CCDC50: variants seen among roughly 807,000 people sequenced by gnomAD.
The protein encoded by CCDC50 is coiled-coil domain-containing protein 50.
A neutral mutation model predicts 70.2 loss-of-function variants in CCDC50; 54 were observed. The ratio of observed to expected loss-of-function variants is 0.77; its 90% CI spans 0.62 to 0.96. The LOEUF (loss-of-function observed/expected upper bound fraction) is 0.96. Ranked by LOEUF, CCDC50 falls within the 50% of genes least tolerant of loss-of-function variation. The pLI is 0.00. For synonymous variants in CCDC50, 216 were observed against 198.8 expected (o/e 1.09, Z -0.73); for missense variants, 558 against 578.7 (o/e 0.96, Z 0.37).
rs1327041765 is a variant in CCDC50 at position 191,396,680 on chromosome 3, CAG to C, written c.*4924_*4925del. 6.6e-6 allele frequency: 1 copy of C among 152,124 alleles called. No individual in the cohort carries two copies. The highest frequency in any genetic ancestry group is 2.4e-5 in the African/African-American group (1 of 41,426). The allele number at this position is 152,124 out of a possible 1,614,324, so 9.4% of individuals were successfully genotyped here. ...AAAAAAAGGAGAAAACCGAACAAAA[CAG>C]AGACATTTACTTGAAATGGGAGGTT... On this transcript the variant is annotated 3_prime_UTR_variant, in exon 12 of 12. Transcript: ENST00000392455.
intron 1 of CCDC50, among the ~76,000 whole-genome samples, chr3:191,331,278 C>T (rs1717974388): frequency 6.6e-6 from 1 of 152,102 alleles, no homozygotes; most frequent in South Asian, 2.1e-4. Context: ...TGATTTTATC[C>T]AATCCCCTAT....
intron 5 of CCDC50, among the ~76,000 whole-genome samples, chr3:191,373,958 T>C (rs939224822): frequency 1.3e-5 from 2 of 152,144 alleles, no homozygotes; most frequent in African/African-American, 2.4e-5. Context: ...AAACGTATAG[T>C]TTTTTATTTT....
chr3:191,334,911 A>G (rs972207371), intron 1 of CCDC50, among the ~76,000 whole-genome samples: 19 of 152,178 alleles, frequency 1.2e-4, no homozygotes, highest in Admixed American at 1.2e-3. Context: ...TGATTCAGCA[A>G]ATGAATTACT....
chr3:191,342,094 C>A (rs545080712), intron 1 of CCDC50, among the ~76,000 whole-genome samples: 1 of 152,226 alleles, frequency 6.6e-6, no homozygotes, highest in Admixed American at 6.5e-5. Flanking sequence ...AGTTACTGAG[C>A]CTGTGGTGGC....
At position 191,375,372 on chromosome 3, in the gene CCDC50, C is replaced by T. The variant is rs758591090; in HGVS notation, c.759C>T (p.Asp253=). 1.2e-6 allele frequency: 2 copies of T among 1,613,620 alleles called. No individual in the cohort carries two copies. Among genetic ancestry groups the T allele is most frequent in the South Asian group, 2.2e-5 (2 of 91,056 alleles). Residue 253 remains aspartate (D), a synonymous_variant, in exon 6 of 12, where the codon GAC becomes GAT. Coordinates refer to ENST00000392455, the MANE Select transcript of CCDC50 (RefSeq NM_178335.3). The part of the protein sequence containing the change: ...GEVFLSTECD[D]WETKINHQTR... ...TGTTTCTGAGCACTGAATGTGATGA[C>T]TGGGAGACTAAGATTAACCATCAGA...
chr3:191,392,480 T>C lies in CCDC50; in HGVS notation c.*720T>C, dbSNP rs1713727925. 1 of 152,212 alleles carries C rather than the reference T, an allele frequency of 6.6e-6. No individual in the cohort carries two copies. Among genetic ancestry groups the C allele is most frequent in the African/African-American group, 2.4e-5 (1 of 41,450 alleles). The allele number at this position is 152,212 out of a possible 1,614,324, so 9.4% of individuals were successfully genotyped here. On this transcript the variant is annotated 3_prime_UTR_variant, in exon 12 of 12. Transcript: ENST00000392455. ...TCTCTGAAATTTTAACTCATATATATGAAAAACTTTGTATTCCATCTCTTC... is the reference window on the plus strand; with the variant it reads ...TCTCTGAAATTTTAACTCATATATACGAAAAACTTTGTATTCCATCTCTTC...
At chr3:191,364,758 T>C (rs950519223) in intron 4 of CCDC50, among the ~76,000 whole-genome samples, 8 of 151,998 alleles carry the variant, frequency 5.3e-5, no homozygotes, top group African/African-American at 1.9e-4. Flanking sequence ...AGGACACAGA[T>C]GTGGAAAAGT....
chr3:191,372,529 A>G (rs1331591991), intron 5 of CCDC50, among the ~76,000 whole-genome samples: 2 of 152,032 alleles, frequency 1.3e-5, no homozygotes, highest in Non-Finnish European at 2.9e-5. Flanking sequence ...ATATTCTTTC[A>G]TTGTACTTCT....
chr3:191,333,605 T>C (rs746265188), intron 1 of CCDC50, among the ~76,000 whole-genome samples: 1 of 152,194 alleles, frequency 6.6e-6, no homozygotes, highest in African/African-American at 2.4e-5. Flanking sequence ...GGTTTATGTC[T>C]TAGTTATCTT....
intron 4 of CCDC50, among the ~76,000 whole-genome samples, chr3:191,369,149 C>CG (rs754101954): frequency 6.6e-6 from 1 of 152,074 alleles, no homozygotes. Context: ...CTTTGCCTGT[C>CG]GGAATTCAGT....
chr3:191,339,535 T>A (rs753576517), intron 1 of CCDC50, among the ~76,000 whole-genome samples: 11 of 152,152 alleles, frequency 7.2e-5, no homozygotes, highest in African/African-American at 2.7e-4. Context: ...CCAAGCAAAC[T>A]GTAGGTTGTA....
At chr3:191,345,680 T>G (rs1263700806) in intron 1 of CCDC50, among the ~76,000 whole-genome samples, 5 of 152,220 alleles carry the variant, frequency 3.3e-5, no homozygotes, top group African/African-American at 1.2e-4. Flanking sequence ...CATATCTACT[T>G]GCCAAACAAG....
Position 191,392,616 on chromosome 3 carries a change from CAG to C in CCDC50, c.*859_*860del, listed in dbSNP as rs1466707260. The C allele has an allele frequency of 1.3e-5, 2 of 152,220 alleles. No homozygotes were observed. Among genetic ancestry groups the C allele is most frequent in the African/African-American group, 4.8e-5 (2 of 41,454 alleles). The allele number at this position is 152,220 out of a possible 1,614,324, so 9.4% of individuals were successfully genotyped here. A position where few individuals can be genotyped will look rare whatever the true frequency, so the allele number is the denominator to read the frequency against. On this transcript the variant is annotated 3_prime_UTR_variant, in exon 12 of 12. Coordinates refer to ENST00000392455, the MANE Select transcript of CCDC50 (RefSeq NM_178335.3). ...CTGAGGCTTTTCTCTTGCTTCAAGT[CAG>C]AGCAGTATTTGTTGATAACCTCTCA... is the stretch of plus-strand genomic sequence containing the variant.
intron 1 of CCDC50, among the ~76,000 whole-genome samples, chr3:191,344,934 T>C (rs1576951460): frequency 6.6e-6 from 1 of 152,162 alleles, no homozygotes; most frequent in East Asian, 1.9e-4. Context: ...GGAATGCACA[T>C]CCTCAAATCC....
intron 1 of CCDC50, among the ~76,000 whole-genome samples, chr3:191,334,108 G>T (rs144888118): frequency 6.6e-6 from 1 of 152,212 alleles, no homozygotes; most frequent in Non-Finnish European, 1.5e-5. Context: ...CAATTTGGGA[G>T]CAGGAAGGAA....
At chr3:191,336,968 AAAT>A (rs1053478863) in intron 1 of CCDC50, among the ~76,000 whole-genome samples, 3 of 152,236 alleles carry the variant, frequency 2.0e-5, no homozygotes, top group African/African-American at 7.2e-5. Flanking sequence ...GATTCAAAAA[AAAT>A]AATGTTTTGT....
intron 4 of CCDC50, among the ~76,000 whole-genome samples, chr3:191,363,833 C>CT (rs1169784613): frequency 6.6e-6 from 1 of 152,160 alleles, no homozygotes; most frequent in East Asian, 1.9e-4. Flanking sequence ...AAGATGGCTA[C>CT]TGTGCCAAGG....
chr3:191,356,058 C>A (rs1576957292), intron 1 of CCDC50, among the ~76,000 whole-genome samples: 1 of 152,178 alleles, frequency 6.6e-6, no homozygotes, highest in East Asian at 1.9e-4. Flanking sequence ...ATCACTTTTC[C>A]TAAGCCCTGG....
chr3:191,396,454 G>T lies in CCDC50; in HGVS notation c.*4694G>T, dbSNP rs1362880643. 1 of 152,172 alleles carries T rather than the reference G, an allele frequency of 6.6e-6. No homozygotes were observed. The highest frequency in any genetic ancestry group is 1.5e-5 in the Non-Finnish European group (1 of 68,026). 9.4% of individuals were successfully genotyped at this position (152,172 alleles called of 1,614,324 possible). On this transcript the variant is annotated 3_prime_UTR_variant, in exon 12 of 12. Coordinates refer to ENST00000392455, the MANE Select transcript of CCDC50 (RefSeq NM_178335.3). ...GAATAAGCAGTGGCATGACCAAAAA[G>T]ACTGGTAGAAGGAGAGAATTTCTTG...
Sources: allele counts gnomAD v4.1 joint callset (sites outside exome capture counted in the v4.1 genomes callset), GRCh38; gene constraint gnomAD v4.1.1; transcripts MANE v1.5; gene names NCBI Gene and HGNC (gene_info 2026-07-23, HGNC 2026-07-21).